The following FRMD4A variants were observed in gnomAD, a reference collection of about 807,000 sequenced individuals.
FRMD4A encodes the protein FERM domain-containing protein 4A.
FRMD4A carries 29 observed loss-of-function variants against 129.1 expected under a neutral mutation model. That is an observed-to-expected ratio of 0.22 (90% CI 0.17 to 0.31). The LOEUF (loss-of-function observed/expected upper bound fraction) is 0.31, where lower values mean the gene tolerates loss of function less well. FRMD4A is among the 10% of genes least tolerant of loss of function. The pLI is 1.00. For missense variants in FRMD4A, 1,272 were observed against 1,375.8 expected, an observed-to-expected ratio of 0.92 and a Z score of 1.19; for synonymous variants, 634 against 571.6, an observed-to-expected ratio of 1.11 and a Z score of -1.56.
intron 13 of FRMD4A, among the ~76,000 whole-genome samples, chr10:13,703,812 C>A (rs1210674331): frequency 6.6e-6 from 1 of 152,152 alleles, no homozygotes; most frequent in Non-Finnish European, 1.5e-5. Context: ...TGAGACCATC[C>A]TGGCCAACGT....
At chr10:13,666,018 G>T in intron 18 of FRMD4A, 79 bp downstream of exon 18, 1 of 808,754 alleles carries the variant, frequency 1.2e-6, no homozygotes, top group South Asian at 1.4e-5. Context: ...GTCGTGCAGG[G>T]ACCACTCGTG....
chr10:14,150,356 A>T (rs922282590), intron 2 of FRMD4A, among the ~76,000 whole-genome samples: 2 of 152,240 alleles, frequency 1.3e-5, no homozygotes, highest in Admixed American at 1.3e-4. Flanking sequence ...GATAAGTAGT[A>T]TCGGCTTCAT....
intron 7 of FRMD4A, among the ~76,000 whole-genome samples, chr10:13,762,114 ATAG>A (rs2092098345): frequency 6.6e-6 from 1 of 152,246 alleles, no homozygotes; most frequent in Non-Finnish European, 1.5e-5. Context: ...TGCCCTGAAC[ATAG>A]TAGTTGCTCA....
chr10:13,841,636 A>C (rs10906511), intron 3 of FRMD4A, among the ~76,000 whole-genome samples: 43,952 of 152,052 alleles, frequency 0.29, 6,653 homozygotes, highest in Middle Eastern at 0.43. Context: ...AGAGTGTTGC[A>C]CTGTAACTCC....
chr10:14,061,592 C>T (rs1246645702), intron 2 of FRMD4A, among the ~76,000 whole-genome samples: 1 of 152,160 alleles, frequency 6.6e-6, no homozygotes, highest in African/African-American at 2.4e-5. Flanking sequence ...CCTCCCTATC[C>T]TGAGACTTTT....
intron 5 of FRMD4A, among the ~76,000 whole-genome samples, chr10:13,785,902 C>T (rs183943006): frequency 2.8e-4 from 43 of 152,076 alleles, no homozygotes; most frequent in African/African-American, 9.9e-4. Flanking sequence ...ACAGTTTGCT[C>T]AGAATGATGG....
At chr10:13,998,667 T>A (rs937020964) in intron 2 of FRMD4A, among the ~76,000 whole-genome samples, 3 of 152,062 alleles carry the variant, frequency 2.0e-5, no homozygotes, top group African/African-American at 7.2e-5. Context: ...TTGACTCCTG[T>A]CTTCCTTTCT....
intron 2 of FRMD4A, among the ~76,000 whole-genome samples, chr10:14,314,358 G>A (rs936034665): frequency 1.6e-4 from 24 of 152,308 alleles, no homozygotes; most frequent in Admixed American, 1.2e-3. Context: ...TAGCTGTAAG[G>A]AAGGCAAGAA....
At chr10:14,108,718 T>C (rs78603074) in intron 2 of FRMD4A, among the ~76,000 whole-genome samples, 5,325 of 152,122 alleles carry the variant, frequency 0.035, 143 homozygotes, top group Non-Finnish European at 0.052. Context: ...AGACAGAGAA[T>C]TGAAGAATCA....
chr10:13,732,139 T>G (rs1327428109), intron 12 of FRMD4A, among the ~76,000 whole-genome samples: 1 of 152,148 alleles, frequency 6.6e-6, no homozygotes, highest in Non-Finnish European at 1.5e-5. Context: ...GTGAGGTCCC[T>G]TGCGTTTTAC....
At position 13,873,931 on chromosome 10, in the gene FRMD4A, G is replaced by A. The variant is rs145805408; in HGVS notation, c.46-15019C>T. ...GTTCAAAGCAAGAAGAGCAAGGAAG[G>A]GAATGGAAATATTGTTTGAAGCAAG... On this transcript the variant is annotated intron_variant, in intron 2 of 24. Transcript: ENST00000357447. Among the ~76,000 whole-genome samples, 1,080 of 152,092 alleles carry A rather than the reference G, an allele frequency of 7.1e-3. 7 individuals carry two copies. The highest frequency in any genetic ancestry group is 0.012 in the Non-Finnish European group (809 of 67,994).
chr10:13,672,355 T>C (rs2083581047), intron 16 of FRMD4A, among the ~76,000 whole-genome samples: 1 of 152,228 alleles, frequency 6.6e-6, no homozygotes, highest in African/African-American at 2.4e-5. Context: ...TCCGCAACTT[T>C]TTTTTAATCT....
chr10:13,839,023 G>T (rs903486192), intron 3 of FRMD4A, among the ~76,000 whole-genome samples: 3 of 144,118 alleles, frequency 2.1e-5, no homozygotes, highest in African/African-American at 7.8e-5. Flanking sequence ...TAGAGATAGG[G>T]TCTTGCTCTG....
At chr10:14,312,809 T>G (rs1013805437) in intron 2 of FRMD4A, among the ~76,000 whole-genome samples, 15 of 152,130 alleles carry the variant, frequency 9.9e-5, no homozygotes, top group Non-Finnish European at 4.4e-5. Flanking sequence ...GAGGCTGCAG[T>G]GAGCTGCAAG....
chr10:14,054,549 T>C (rs1565215421), intron 2 of FRMD4A, among the ~76,000 whole-genome samples: 1 of 152,164 alleles, frequency 6.6e-6, no homozygotes, highest in African/African-American at 2.4e-5. Context: ...TAGAGTCTTC[T>C]ACACAGCCAG....
chr10:13,676,260 TTTTC>T (rs1185797282), intron 15 of FRMD4A, among the ~76,000 whole-genome samples: 4 of 151,738 alleles, frequency 2.6e-5, no homozygotes, highest in African/African-American at 7.3e-5. Context: ...ATAACTTTTC[TTTTC>T]TTTTTCTTTT....
chr10:14,029,332 C>T (rs2457856), intron 2 of FRMD4A, among the ~76,000 whole-genome samples: 27,635 of 151,774 alleles, frequency 0.18, 3,830 homozygotes, highest in African/African-American at 0.39. Flanking sequence ...CCTAGGGAAA[C>T]GGTGGGCAGA....
chr10:13,687,670 G>C (rs1034425906), intron 15 of FRMD4A, among the ~76,000 whole-genome samples: 1 of 152,130 alleles, frequency 6.6e-6, no homozygotes, highest in South Asian at 2.1e-4. Context: ...TGAAGACTTA[G>C]GAGTGAAAGC....
At chr10:14,150,626 C>A (rs1356586704) in intron 2 of FRMD4A, among the ~76,000 whole-genome samples, 3 of 152,120 alleles carry the variant, frequency 2.0e-5, no homozygotes, top group African/African-American at 7.2e-5. Context: ...TAATTAAAGA[C>A]CTAGAGGCTC....
Sources: allele counts gnomAD v4.1 joint callset (sites outside exome capture counted in the v4.1 genomes callset), GRCh38; gene constraint gnomAD v4.1.1; transcripts MANE v1.5; gene names NCBI Gene and HGNC (gene_info 2026-07-23, HGNC 2026-07-21).